The following MSI2 variants were observed in gnomAD, a reference collection of about 807,000 sequenced individuals.
The protein encoded by MSI2 is musashi RNA binding protein 2.
A neutral mutation model predicts 45.6 loss-of-function variants in MSI2; 17 were observed. That is an observed-to-expected ratio of 0.37 (90% confidence interval 0.26 to 0.56). The LOEUF (loss-of-function observed/expected upper bound fraction) is 0.56, where lower values mean the gene tolerates loss of function less well. Among genes scored for constraint, MSI2 ranks in the 20% least tolerant of loss-of-function variants. The pLI is 0.77. For synonymous variants in MSI2, 156 were observed against 158.2 expected, an observed-to-expected ratio of 0.99 and a Z score of 0.11; for missense variants, 293 against 444.2, an observed-to-expected ratio of 0.66 and a Z score of 3.06.
rs1908924029 is a variant in MSI2 at position 57,627,555 on chromosome 17, C to T, written c.727+252C>T. 1.8e-6 allele frequency: 1 copy of T among 550,946 alleles called. No homozygotes were observed. Among genetic ancestry groups the T allele is most frequent in the East Asian group, 3.1e-5 (1 of 32,112 alleles). The allele number at this position is 550,946 out of a possible 1,614,324, so 34.1% of individuals were successfully genotyped here. A position where few individuals can be genotyped will look rare whatever the true frequency, so the allele number is the denominator to read the frequency against. On this transcript the variant is annotated intron_variant, in intron 10 of 13. Coordinates refer to ENST00000284073, the MANE Select transcript of MSI2 (RefSeq NM_138962.4). The surrounding 1 kb of genome is among the most constrained non-coding windows in gnomAD (Gnocchi z 4.6). ...TTTTAAAGGGAAAGCAGAACGGAGGCAGGAGGCCTCCCTGTGCTCACCTCC... is the reference window on the plus strand; with the variant it reads ...TTTTAAAGGGAAAGCAGAACGGAGGTAGGAGGCCTCCCTGTGCTCACCTCC...
At chr17:57,468,754 A>G (rs2085377839) in intron 6 of MSI2, among the ~76,000 whole-genome samples, 1 of 151,992 alleles carries the variant, frequency 6.6e-6, no homozygotes. Flanking sequence ...GCTGCCCAGA[A>G]CGCGGGTCTC....
At chr17:57,660,300 T>C (rs1257733581) in intron 11 of MSI2, among the ~76,000 whole-genome samples, 1 of 152,230 alleles carries the variant, frequency 6.6e-6, no homozygotes, top group African/African-American at 2.4e-5. Context: ...AGCTTTGTGC[T>C]GCTTGGCTAA....
At chr17:57,343,585 T>C (rs1024807446) in intron 5 of MSI2, among the ~76,000 whole-genome samples, 4 of 152,222 alleles carry the variant, frequency 2.6e-5, no homozygotes, top group Non-Finnish European at 1.5e-5. Context: ...AGTCCAGTTA[T>C]GAACTTCAGA....
At chr17:57,521,966 G>A (rs749970518) in intron 6 of MSI2, among the ~76,000 whole-genome samples, 46 of 152,196 alleles carry the variant, frequency 3.0e-4, no homozygotes, top group Admixed American at 6.5e-5. Flanking sequence ...CAGAGCACAC[G>A]GAAAAGTCTT....
intron 5 of MSI2, among the ~76,000 whole-genome samples, chr17:57,361,176 C>T (rs1916787648): frequency 6.6e-6 from 1 of 152,132 alleles, no homozygotes; most frequent in African/African-American, 2.4e-5. Flanking sequence ...TTTTGAGTAC[C>T]CCAAAATGTA....
rs560428949 is a variant in MSI2, at chr17:57,683,633, G to A, written c.*4116G>A. The A allele has an allele frequency of 4.3e-6, 1 of 230,748 alleles. No homozygotes were observed. The highest frequency in any genetic ancestry group is 6.1e-5 in the East Asian group (1 of 16,368). The allele number at this position is 230,748 out of a possible 1,614,324, so 14.3% of individuals were successfully genotyped here. A position where few individuals can be genotyped will look rare whatever the true frequency, so the allele number is the denominator to read the frequency against. On this transcript the variant is annotated 3_prime_UTR_variant, in exon 14 of 14. Coordinates refer to ENST00000284073, the MANE Select transcript of MSI2 (RefSeq NM_138962.4). The surrounding 1 kb of genome is among the most constrained non-coding windows in gnomAD (Gnocchi z 5.2). ...TCTCTTTATTGGTTGCAAGTGGCAC[G>A]CAGGAACAGAGGGAGAGTGGGGGGC...
At chr17:57,411,917 G>C (rs1383842311) in intron 6 of MSI2, among the ~76,000 whole-genome samples, 1 of 151,986 alleles carries the variant, frequency 6.6e-6, no homozygotes, top group Admixed American at 6.5e-5. Flanking sequence ...TGAGGCAGGA[G>C]AATTGCTTGA....
intron 6 of MSI2, among the ~76,000 whole-genome samples, chr17:57,471,894 G>A (rs1029199041): frequency 1.9e-4 from 29 of 151,462 alleles, no homozygotes; most frequent in Middle Eastern, 3.4e-3. Context: ...GGGAGGGGAG[G>A]GGAAGAGAGG....
At chr17:57,333,664 A>G (rs1275076716) in intron 5 of MSI2, among the ~76,000 whole-genome samples, 3 of 150,464 alleles carry the variant, frequency 2.0e-5, no homozygotes, top group African/African-American at 7.3e-5. Context: ...CTGGTCTCGA[A>G]CTCCTGACCT....
At chr17:57,674,310 CTTTT>C (rs1383024910) in intron 11 of MSI2, among the ~76,000 whole-genome samples, 1 of 149,412 alleles carries the variant, frequency 6.7e-6, no homozygotes, top group Non-Finnish European at 1.5e-5. Flanking sequence ...GAATGGAGAT[CTTTT>C]TTGTCTTTTT....
intron 7 of MSI2, among the ~76,000 whole-genome samples, chr17:57,539,546 G>T (rs902778710): frequency 2.7e-4 from 8 of 29,798 alleles, no homozygotes; most frequent in Non-Finnish European, 5.3e-4. Flanking sequence ...ACAAAAATTA[G>T]CCAGGAACGG....
chr17:57,690,578 G>A, the MSI2 span, among the ~76,000 whole-genome samples: 12 of 152,100 alleles, frequency 7.9e-5, no homozygotes, highest in African/African-American at 2.2e-4. Flanking sequence ...AAGATTGTAC[G>A]ACTGTACTCC....
At chr17:57,426,165 C>G (rs1276989148) in intron 6 of MSI2, among the ~76,000 whole-genome samples, 1 of 152,016 alleles carries the variant, frequency 6.6e-6, no homozygotes, top group East Asian at 1.9e-4. Context: ...AAAATGGTGG[C>G]AAATAAAATG....
At chr17:57,501,498 C>A (rs2086106010) in intron 6 of MSI2, among the ~76,000 whole-genome samples, 1 of 152,224 alleles carries the variant, frequency 6.6e-6, no homozygotes, top group Admixed American at 6.5e-5. Flanking sequence ...GGCAGTTTAT[C>A]CCTCAAGGGT....
chr17:57,283,256 GGAGT>G (rs1909582987), intron 5 of MSI2, among the ~76,000 whole-genome samples: 1 of 152,086 alleles, frequency 6.6e-6, no homozygotes, highest in Non-Finnish European at 1.5e-5. Context: ...TAAAGTCTCT[GGAGT>G]GAGTGCTGGG....
intron 7 of MSI2, among the ~76,000 whole-genome samples, chr17:57,557,669 G>A (rs1007532995): frequency 2.0e-5 from 3 of 152,352 alleles, no homozygotes; most frequent in Non-Finnish European, 2.9e-5. Context: ...GGCTTTCTGC[G>A]TGGAAGTCTG....
intron 7 of MSI2, among the ~76,000 whole-genome samples, chr17:57,560,430 G>T (rs1173721191): frequency 6.6e-6 from 1 of 152,130 alleles, no homozygotes. Context: ...GATTTACAAG[G>T]TCTGCTTCAT....
intron 6 of MSI2, among the ~76,000 whole-genome samples, chr17:57,434,505 C>G (rs1373332059): frequency 2.0e-5 from 3 of 152,176 alleles, no homozygotes; most frequent in Admixed American, 6.5e-5. Context: ...GAAACTTTGT[C>G]CAGCATCTCC....
At chr17:57,488,124 C>T (rs142750125) in intron 6 of MSI2, among the ~76,000 whole-genome samples, 2 of 152,216 alleles carry the variant, frequency 1.3e-5, no homozygotes, top group Non-Finnish European at 2.9e-5. Flanking sequence ...TTTGTCCCGA[C>T]GATCATGCTG....
Sources: gnomAD v4.1 joint callset for allele counts (sites outside exome capture counted in the v4.1 genomes callset) on GRCh38, gnomAD v4.1.1 for gene constraint, Gnocchi (gnomAD v3.1) non-coding constraint, MANE v1.5 for transcripts, NCBI Gene and HGNC (gene_info 2026-07-23, HGNC 2026-07-21) for gene names.